PARD3B: variants seen among roughly 807,000 people sequenced by gnomAD.
PARD3B encodes partitioning defective 3 homolog B.
In PARD3B, 103 loss-of-function variants were observed where a neutral mutation model predicts 130.2. The ratio of observed to expected loss-of-function variants is 0.79; its 90% confidence interval spans 0.67 to 0.93. The LOEUF is 0.93. PARD3B is among the 40% of genes least tolerant of loss of function. The pLI is 0.00. For missense variants in PARD3B, 1,609 were observed against 1,499.2 expected (o/e 1.07, Z -1.21); for synonymous variants, 583 against 553.2 (o/e 1.05, Z -0.76).
intron 3 of PARD3B, among the ~76,000 whole-genome samples, chr2:204,971,162 T>A (rs1691666732): frequency 6.6e-6 from 1 of 152,228 alleles, no homozygotes; most frequent in South Asian, 2.1e-4. Flanking sequence ...TTTTCTCAAT[T>A]TTTAAGCAAA....
Position 205,301,428 on chromosome 2 carries a change from CT to C in PARD3B, c.2393-35del, listed in dbSNP as rs781509228. 7 of 1,580,170 alleles carry C rather than the reference CT, an allele frequency of 4.4e-6. No individual in the cohort carries two copies. In the South Asian group the frequency reaches 4.7e-5, roughly 11 times the overall value. On this transcript the variant is annotated intron_variant, in intron 17 of 22. Transcript: ENST00000406610. The surrounding 1 kb of genome is among the most constrained non-coding windows in gnomAD (Gnocchi z 5.2). ...CTCTGTATACTAACTGAGTGTGCCC[CT>C]GACCATGGGTATTGATTATTTTTTC...
intron 16 of PARD3B, among the ~76,000 whole-genome samples, chr2:205,289,385 G>A (rs964694132): frequency 1.3e-5 from 2 of 152,156 alleles, no homozygotes; most frequent in Admixed American, 1.3e-4. Context: ...ATGCTAAGCG[G>A]TGACATGTAC....
At chr2:204,639,748 A>T (rs2035007992) in intron 1 of PARD3B, among the ~76,000 whole-genome samples, 1 of 152,164 alleles carries the variant, frequency 6.6e-6, no homozygotes, top group African/African-American at 2.4e-5. Context: ...TCCTGCAGAT[A>T]TTTAGGGACA....
At position 204,965,286 on chromosome 2, in the gene PARD3B, T is replaced by A. The variant is rs770029420; in HGVS notation, c.357T>A (p.Gly119=). The change falls in exon 3 of 23, where the codon GGT becomes GGA. Residue 119 remains glycine, a synonymous_variant. Coordinates refer to ENST00000406610, the MANE Select transcript of PARD3B (RefSeq NM_001302769.2). ...AAQLAAFKPI[G]GEIEVTPSAL... is the part of the protein sequence containing the mutation. ...AACTGGCCGCATTTAAGCCAATTGGTGGGGAGATTGAAGTAACCCCTTCTG... is the reference window on the plus strand; with the variant it reads ...AACTGGCCGCATTTAAGCCAATTGGAGGGGAGATTGAAGTAACCCCTTCTG... 1.9e-6 allele frequency: 3 copies of A among 1,613,836 alleles called. No individual in the cohort carries two copies. The South Asian group carries it at 3.3e-5, about 18-fold the overall frequency.
At chr2:204,566,302 A>G (rs1026341199) in intron 1 of PARD3B, among the ~76,000 whole-genome samples, 1 of 152,246 alleles carries the variant, frequency 6.6e-6, no homozygotes, top group African/African-American at 2.4e-5. Flanking sequence ...CTCAGTCGTC[A>G]TGTTTGTAGA....
intron 3 of PARD3B, among the ~76,000 whole-genome samples, chr2:205,009,185 A>G (rs1055133932): frequency 1.3e-5 from 2 of 152,228 alleles, no homozygotes. Flanking sequence ...TATAGTAACT[A>G]AAATAACATA....
chr2:205,425,886 T>C (rs2047128313), intron 19 of PARD3B, among the ~76,000 whole-genome samples: 1 of 152,200 alleles, frequency 6.6e-6, no homozygotes, highest in Non-Finnish European at 1.5e-5. Flanking sequence ...CACCGTGTTA[T>C]TTGTGTGTGC....
At chr2:204,744,255 C>A (rs1035610632) in intron 2 of PARD3B, among the ~76,000 whole-genome samples, 1 of 152,144 alleles carries the variant, frequency 6.6e-6, no homozygotes, top group Non-Finnish European at 1.5e-5. Context: ...ATCCGACAGA[C>A]TGTGGACAAA....
rs750595885 is a variant in PARD3B at position 205,244,777 on chromosome 2, G to T, written c.2141-1001G>T. ...TTTTAAAAACGAATCCGTTTCATCA[G>T]AGCTCCATTAATCTAGAGTTAGTTT... On this transcript the variant is annotated intron_variant, in intron 15 of 22. Coordinates refer to ENST00000406610, the MANE Select transcript of PARD3B (RefSeq NM_001302769.2). This position sits in a 1 kb window ranked among gnomAD's most constrained non-coding sequence, Gnocchi z 4.7. 1.2e-4 allele frequency among the ~76,000 whole-genome samples: 18 copies of T among 152,092 alleles called. No homozygotes were observed. Among genetic ancestry groups the T allele is most frequent in the Non-Finnish European group, 1.9e-4 (13 of 68,002 alleles).
chr2:205,234,356 A>G (rs2038971607), intron 15 of PARD3B, among the ~76,000 whole-genome samples: 1 of 152,196 alleles, frequency 6.6e-6, no homozygotes, highest in South Asian at 2.1e-4. Flanking sequence ...GGAAGGAAAA[A>G]GACATACCCT....
At chr2:205,333,877 G>T (rs185693852) in intron 18 of PARD3B, among the ~76,000 whole-genome samples, 119 of 151,684 alleles carry the variant, frequency 7.8e-4, no homozygotes, top group Middle Eastern at 3.4e-3. Flanking sequence ...AGGTATATTT[G>T]TTACTGAAAT....
At chr2:204,582,791 AG>A (rs2032629439) in intron 1 of PARD3B, among the ~76,000 whole-genome samples, 1 of 152,154 alleles carries the variant, frequency 6.6e-6, no homozygotes, top group African/African-American at 2.4e-5. Context: ...CTTCATTAAA[AG>A]CAACAGAGTG....
In PARD3B at chr2:204,664,455, C is replaced by A. The variant is rs1045849997; in HGVS notation, c.121-21726C>A. Among the ~76,000 whole-genome samples the A allele has an allele frequency of 9.9e-5, 15 of 152,156 alleles. No individual in the cohort carries two copies. The highest frequency in any genetic ancestry group is 3.4e-4 in the African/African-American group (14 of 41,428). On this transcript the variant is annotated intron_variant, in intron 1 of 22. Coordinates refer to ENST00000406610, the MANE Select transcript of PARD3B (RefSeq NM_001302769.2). The surrounding 1 kb of genome is among the most constrained non-coding windows in gnomAD (Gnocchi z 5.2). ...ACGGGGCATAACTAAATGCTTACCA[C>A]CCTCCCTGAAAGTTAGTTACGTTTT...
At chr2:205,042,768 T>C (rs1455308985) in intron 3 of PARD3B, among the ~76,000 whole-genome samples, 2 of 152,020 alleles carry the variant, frequency 1.3e-5, no homozygotes, top group Non-Finnish European at 2.9e-5. Context: ...CATTTCCTTT[T>C]CTGAAAGATA....
intron 1 of PARD3B, among the ~76,000 whole-genome samples, chr2:204,617,054 C>T (rs995774099): frequency 1.3e-5 from 2 of 152,122 alleles, no homozygotes; most frequent in African/African-American, 4.8e-5. Flanking sequence ...TTTTTTCTCT[C>T]CACGGCCTTC....
intron 1 of PARD3B, among the ~76,000 whole-genome samples, chr2:204,601,200 C>G (rs1337503939): frequency 6.6e-6 from 1 of 151,940 alleles, no homozygotes; most frequent in Non-Finnish European, 1.5e-5. Flanking sequence ...AATGAACACT[C>G]TTTAATATTT....
rs547619035 is a variant in PARD3B at position 204,848,972 on chromosome 2, A to G, written c.223-116180A>G. On this transcript the variant is annotated intron_variant, in intron 2 of 22. Transcript: ENST00000406610. ...AATCAATCTTTAAGGTCCTTTTTAAAGCTCTTGTTAAGATTCTTTAAGTTG... is the reference window on the plus strand; with the variant it reads ...AATCAATCTTTAAGGTCCTTTTTAAGGCTCTTGTTAAGATTCTTTAAGTTG... 1.2e-3 allele frequency among the ~76,000 whole-genome samples: 182 copies of G among 152,178 alleles called. 1 individual carries two copies. Among genetic ancestry groups the G allele is most frequent in the Admixed American group, 2.4e-3 (36 of 15,274 alleles).
intron 22 of PARD3B, among the ~76,000 whole-genome samples, chr2:205,587,241 G>A (rs2106587999): frequency 6.6e-6 from 1 of 152,286 alleles, no homozygotes; most frequent in East Asian, 1.9e-4. Flanking sequence ...CTGGTCATGA[G>A]GCAAATTGTT....
rs2039956510 is a variant in PARD3B, at chr2:205,253,775, AAAG to A, written c.2185+7954_2185+7956del. On this transcript the variant is annotated intron_variant, in intron 16 of 22. Coordinates refer to ENST00000406610, the MANE Select transcript of PARD3B (RefSeq NM_001302769.2). This position sits in a 1 kb window ranked among gnomAD's most constrained non-coding sequence, Gnocchi z 4.4. ...TGAGCAAAGTGCAGAAAGTGAGAAA[AAAG>A]GACCAAGTTGGATCTCCTCCTAACC... Among the ~76,000 whole-genome samples, 1 of 152,124 alleles carries A rather than the reference AAAG, an allele frequency of 6.6e-6. No individual in the cohort carries two copies. The highest frequency in any genetic ancestry group is 2.4e-5 in the African/African-American group (1 of 41,436).
Sources: gnomAD v4.1 joint callset for allele counts (sites outside exome capture counted in the v4.1 genomes callset) on GRCh38, gnomAD v4.1.1 for gene constraint, Gnocchi (gnomAD v3.1) non-coding constraint, MANE v1.5 for transcripts, NCBI Gene and HGNC (gene_info 2026-07-23, HGNC 2026-07-21) for gene names.